TBC1D16: variants seen among roughly 807,000 people sequenced by gnomAD.
TBC1D16 encodes the protein TBC1 domain family member 16.
Under a neutral mutation model 74.7 loss-of-function variants are expected in TBC1D16, and 58 were observed. The ratio of observed to expected loss-of-function variants is 0.78; its 90% confidence interval spans 0.63 to 0.97. TBC1D16 has a LOEUF of 0.97. TBC1D16 is among the 50% of genes least tolerant of loss of function. TBC1D16 has a pLI of 0.00. For missense variants in TBC1D16, 1,014 were observed against 1,079.5 expected (o/e 0.94, Z 0.85); for synonymous variants, 493 against 474.7 (o/e 1.04, Z -0.50).
intron 3 of TBC1D16, among the ~76,000 whole-genome samples, chr17:79,996,115 T>A (rs2035265251): frequency 6.6e-6 from 1 of 152,248 alleles, no homozygotes; most frequent in Non-Finnish European, 1.5e-5. Flanking sequence ...GTGAATCGTT[T>A]GTATACATTG....
At chr17:80,025,109 C>CACACACATACCATG in intron 1 of TBC1D16, among the ~76,000 whole-genome samples, 2 of 11,548 alleles carry the variant, frequency 1.7e-4, no homozygotes, top group Non-Finnish European at 3.6e-4. Context: ...CATATACACA[C>CACACACATACCATG]AAACACCACA....
At chr17:79,978,243 A>T (rs958824802) in intron 3 of TBC1D16, among the ~76,000 whole-genome samples, 1 of 152,214 alleles carries the variant, frequency 6.6e-6, no homozygotes, top group Non-Finnish European at 1.5e-5. Context: ...CATGGGCGGC[A>T]CACTCCCAGA....
chr17:79,949,671 T>C (rs1382836196), intron 7 of TBC1D16, 46 bp downstream of exon 7: 1 of 1,579,736 alleles, frequency 6.3e-7, no homozygotes, highest in Non-Finnish European at 8.6e-7. Flanking sequence ...AATGACATTT[T>C]CCTCCGCGGC....
intron 1 of TBC1D16, among the ~76,000 whole-genome samples, chr17:80,016,786 CCT>C (rs1350532121): frequency 6.6e-6 from 1 of 152,194 alleles, no homozygotes; most frequent in Admixed American, 6.5e-5. Flanking sequence ...CTCCCCCAGC[CCT>C]GTTTGTGTAT....
At chr17:79,984,066 T>A (rs908497820) in intron 3 of TBC1D16, among the ~76,000 whole-genome samples, 1 of 2,202 alleles carries the variant, frequency 4.5e-4, no homozygotes, top group Non-Finnish European at 7.4e-4. Flanking sequence ...GATGGCGGGG[T>A]GGGGGGGCGG....
chr17:80,006,214 T>C (rs1418041595), intron 3 of TBC1D16, among the ~76,000 whole-genome samples: 1 of 147,616 alleles, frequency 6.8e-6, no homozygotes, highest in African/African-American at 2.5e-5. Flanking sequence ...CTCGCTCTCT[T>C]TCTCTCTTTC....
chr17:79,982,439 C>G (rs1005124207), intron 3 of TBC1D16, among the ~76,000 whole-genome samples: 16 of 151,900 alleles, frequency 1.1e-4, no homozygotes, highest in African/African-American at 3.4e-4. Context: ...CCACTGTGCC[C>G]AGCTTCATTT....
At chr17:80,028,270 C>T (rs1325284847) in intron 1 of TBC1D16, among the ~76,000 whole-genome samples, 2 of 152,126 alleles carry the variant, frequency 1.3e-5, no homozygotes, top group Non-Finnish European at 2.9e-5. Flanking sequence ...GTGGCTCACG[C>T]CTGTAATCCC....
chr17:80,005,802 C>A (rs775110548), intron 3 of TBC1D16, among the ~76,000 whole-genome samples: 1 of 152,110 alleles, frequency 6.6e-6, no homozygotes, highest in African/African-American at 2.4e-5. Flanking sequence ...AGGTAGCACA[C>A]GAATGTGGGC....
At position 80,000,985 on chromosome 17, in the gene TBC1D16, G is replaced by A. The variant is rs761696124; in HGVS notation, c.779+9175C>T. On this transcript the variant is annotated intron_variant, in intron 3 of 11. Transcript: ENST00000310924. The surrounding 1 kb of genome is among the most constrained non-coding windows in gnomAD (Gnocchi z 4.1). ...GGCTGGGCACGGTGGCATCCCAGTC[G>A]AATTCTTTGGCAGCCCCTCCAAGCT... Among the ~76,000 whole-genome samples the A allele has an allele frequency of 1.3e-5, 2 of 152,200 alleles. No homozygotes were observed. Among genetic ancestry groups the A allele is most frequent in the African/African-American group, 4.8e-5 (2 of 41,458 alleles).
rs537165377 is a variant in TBC1D16, at chr17:79,987,733, T to C, written c.779+22427A>G. Among the ~76,000 whole-genome samples, 4 of 152,220 alleles carry C rather than the reference T, an allele frequency of 2.6e-5. No homozygotes were observed. The highest frequency in any genetic ancestry group is 2.9e-5 in the Non-Finnish European group (2 of 68,022). On this transcript the variant is annotated intron_variant, in intron 3 of 11. Coordinates refer to ENST00000310924, the MANE Select transcript of TBC1D16 (RefSeq NM_019020.4). The surrounding 1 kb of genome is among the most constrained non-coding windows in gnomAD (Gnocchi z 5.2). The stretch of plus-strand genomic sequence containing the variant: ...AACCCTGGGTGCTGCAGGGAGCTGG[T>C]TCTCAGGGAAAAGGGAATTAAGTCA...
rs960437655 is a variant in TBC1D16 at position 79,990,340 on chromosome 17, C to T, written c.779+19820G>A. On this transcript the variant is annotated intron_variant, in intron 3 of 11. Transcript: ENST00000310924. The surrounding 1 kb of genome is among the most constrained non-coding windows in gnomAD (Gnocchi z 4.8). Reference sequence around the variant, plus strand: ...CCCCCGGCCAGCACTCTGGCCACAGCGCAGCACCTGCCCCATGAGAGCCTC... The same window carrying T: ...CCCCCGGCCAGCACTCTGGCCACAGTGCAGCACCTGCCCCATGAGAGCCTC... 2.0e-5 allele frequency among the ~76,000 whole-genome samples: 3 copies of T among 152,230 alleles called. No homozygotes were observed. The South Asian group carries it at 6.2e-4, about 31-fold the overall frequency.
In TBC1D16 at chr17:79,990,359, G is replaced by A. The variant is rs1787040858; in HGVS notation, c.779+19801C>T. 6.6e-6 allele frequency among the ~76,000 whole-genome samples: 1 copy of A among 152,236 alleles called. No homozygotes were observed. The highest frequency in any genetic ancestry group is 2.4e-5 in the African/African-American group (1 of 41,462). On this transcript the variant is annotated intron_variant, in intron 3 of 11. Transcript: ENST00000310924. This position sits in a 1 kb window ranked among gnomAD's most constrained non-coding sequence, Gnocchi z 4.8. ...CCACAGCGCAGCACCTGCCCCATGA[G>A]AGCCTCCTGTTGCAGCCCGGGCAGA...
rs1321831271 is a variant in TBC1D16, at chr17:80,007,185, C to T, written c.779+2975G>A. 6.6e-6 allele frequency among the ~76,000 whole-genome samples: 1 copy of T among 152,222 alleles called. No individual in the cohort carries two copies. The highest frequency in any genetic ancestry group is 2.4e-5 in the African/African-American group (1 of 41,460). ...TGAGGTGCGAGCCACACCGAGCCCG[C>T]GGCCATGTGGCCAAGAGGCATTTTC... is the stretch of plus-strand genomic sequence containing the variant. On this transcript the variant is annotated intron_variant, in intron 3 of 11. Transcript: ENST00000310924. The surrounding 1 kb of genome is among the most constrained non-coding windows in gnomAD (Gnocchi z 4.5).
chr17:79,993,159 C>T lies in TBC1D16; in HGVS notation c.779+17001G>A, dbSNP rs2035139838. Among the ~76,000 whole-genome samples, 1 of 152,248 alleles carries T rather than the reference C, an allele frequency of 6.6e-6. No homozygotes were observed. Among genetic ancestry groups the T allele is most frequent in the African/African-American group, 2.4e-5 (1 of 41,464 alleles). On this transcript the variant is annotated intron_variant, in intron 3 of 11. Transcript: ENST00000310924. This position sits in a 1 kb window ranked among gnomAD's most constrained non-coding sequence, Gnocchi z 5.1. Reference sequence around the variant, plus strand: ...CAATGAGGGTAATAACCCACCAGCACACAGCCAGGCAGAGCTGGGATGTGG... The same window carrying T: ...CAATGAGGGTAATAACCCACCAGCATACAGCCAGGCAGAGCTGGGATGTGG...
At chr17:79,973,537 G>A (rs962122260) in intron 3 of TBC1D16, among the ~76,000 whole-genome samples, 6 of 152,172 alleles carry the variant, frequency 3.9e-5, no homozygotes, top group East Asian at 1.9e-4. Flanking sequence ...GTGAAACCCC[G>A]TTTCTACTAA....
rs530236809 is a variant in TBC1D16 at position 80,007,183 on chromosome 17, C to T, written c.779+2977G>A. On this transcript the variant is annotated intron_variant, in intron 3 of 11. Transcript: ENST00000310924. The surrounding 1 kb of genome is among the most constrained non-coding windows in gnomAD (Gnocchi z 4.5). ...CCTGAGGTGCGAGCCACACCGAGCC[C>T]GCGGCCATGTGGCCAAGAGGCATTT... 3.9e-5 allele frequency among the ~76,000 whole-genome samples: 6 copies of T among 152,310 alleles called. No homozygotes were observed. Among genetic ancestry groups the T allele is most frequent in the East Asian group, 1.9e-4 (1 of 5,172 alleles).
intron 3 of TBC1D16, among the ~76,000 whole-genome samples, chr17:79,977,972 G>A (rs1381759973): frequency 1.3e-5 from 2 of 152,240 alleles, no homozygotes; most frequent in African/African-American, 4.8e-5. Context: ...GGATGCTGAG[G>A]GGGGCCCACG....
chr17:79,969,700 G>A (rs1458554568), intron 3 of TBC1D16, among the ~76,000 whole-genome samples: 1 of 152,148 alleles, frequency 6.6e-6, no homozygotes, highest in African/African-American at 2.4e-5. Context: ...CCAGCACTTT[G>A]GGAGGCCAAG....
Sources: gnomAD v4.1 joint callset for allele counts (sites outside exome capture counted in the v4.1 genomes callset) on GRCh38, gnomAD v4.1.1 for gene constraint, Gnocchi (gnomAD v3.1) non-coding constraint, MANE v1.5 for transcripts, NCBI Gene and HGNC (gene_info 2026-07-23, HGNC 2026-07-21) for gene names.